The following LYAR variants were observed in gnomAD, a reference collection of about 807,000 sequenced individuals.
LYAR encodes the protein Ly1 antibody reactive, also known as cell growth-regulating nucleolar protein.
A neutral mutation model predicts 45.2 loss-of-function variants in LYAR; 37 were observed. The observed-to-expected ratio is 0.82, with a 90% confidence interval of 0.63 to 1.08. The LOEUF is 1.08. Ranked by LOEUF, LYAR falls within the 50% of genes least tolerant of loss-of-function variation. The probability of loss-of-function intolerance (pLI) is 0.00; values close to 1 mark genes in which losing one functional copy is unlikely to be tolerated. For synonymous variants in LYAR, 176 were observed against 155.1 expected (o/e 1.14, Z -1.00); for missense variants, 493 against 451.0 (o/e 1.09, Z -0.84).
In LYAR at chr4:4,267,985, G is replaced by T. The variant is rs1375751469; in HGVS notation, c.1044C>A (p.His348Gln). 1.9e-6 allele frequency: 3 copies of T among 1,612,336 alleles called. No individual in the cohort carries two copies. The South Asian group carries it at 3.3e-5, about 18-fold the overall frequency. ...TGACCAGGAGTTCCTCTTCGGATCT[G>T]TGATGCTCATCTGTCACTGTGTAGT... ...AQYYTVTDEHHRSEEELLVIF... is the reference protein window; with the variant it reads ...AQYYTVTDEHQRSEEELLVIF... The change falls in exon 10 of 10, where the codon CAC becomes CAA. Residue 348 changes from histidine (H) to glutamine (Q), a missense_variant. Transcript: ENST00000343470.
rs566062907 is a variant in LYAR, at chr4:4,273,423, C to T, written c.919+160G>A. ...ACCGTGTATTTCTCTCTTTTCTTTT[C>T]TCTCTCTCTCGCTTTTTGAAAGTGG... On this transcript the variant is annotated intron_variant, in intron 8 of 9. Transcript: ENST00000343470. 3.4e-3 allele frequency among the ~76,000 whole-genome samples: 517 copies of T among 152,058 alleles called. 7 individuals carry two copies. Among genetic ancestry groups the T allele is most frequent in the African/African-American group, 0.012 (488 of 41,490 alleles).
chr4:4,285,647 A>C (rs1719581482), intron 2 of LYAR, among the ~76,000 whole-genome samples: 1 of 152,212 alleles, frequency 6.6e-6, no homozygotes, highest in Non-Finnish European at 1.5e-5. Flanking sequence ...GAAAAACGTT[A>C]AAGCACTTTT....
intron 2 of LYAR, among the ~76,000 whole-genome samples, chr4:4,284,952 C>G (rs981695120): frequency 1.3e-5 from 2 of 152,164 alleles, no homozygotes; most frequent in Non-Finnish European, 2.9e-5. Context: ...CATGAAATCA[C>G]CGTTGCTCCT....
chr4:4,276,352 C>G, intron 6 of LYAR, among the ~76,000 whole-genome samples: 1 of 152,096 alleles, frequency 6.6e-6, no homozygotes, highest in East Asian at 1.9e-4. Flanking sequence ...AAAGGACAAG[C>G]TTTCACTAGA....
In LYAR at chr4:4,285,481, G is replaced by T. The variant is rs560717144; in HGVS notation, c.-54+1038C>A. Among the ~76,000 whole-genome samples, 11 of 152,330 alleles carry T rather than the reference G, an allele frequency of 7.2e-5. No homozygotes were observed. The South Asian group carries it at 2.1e-3, about 29-fold the overall frequency. On this transcript the variant is annotated intron_variant, in intron 2 of 9. Coordinates refer to ENST00000343470, the MANE Select transcript of LYAR (RefSeq NM_017816.3). Reference sequence around the variant, plus strand: ...AGAGCAGCTATCCTGCCTGACAAGGGAGAACAAAGGCTGGAATAAGAGCCA... The same window carrying T: ...AGAGCAGCTATCCTGCCTGACAAGGTAGAACAAAGGCTGGAATAAGAGCCA...
intron 3 of LYAR, among the ~76,000 whole-genome samples, chr4:4,282,749 CG>C (rs1719450577): frequency 2.0e-5 from 3 of 152,184 alleles, no homozygotes; most frequent in Admixed American, 2.0e-4. Flanking sequence ...TGTCCCTCCC[CG>C]CTAACTCCTC....
Position 4,267,916 on chromosome 4 carries a change from T to G in LYAR, c.1113A>C (p.Leu371Phe). The change falls in exon 10 of 10, where the codon TTA becomes TTC. Residue 371 changes from leucine to phenylalanine, a missense_variant. Transcript: ENST00000343470. ...ATTTCACAAGCTTGACTTTGTCCTT[T>G]AATAACTTAAAGGTAGGGTTCTTGC... ...KISKNPTFKLLKDKVKLVK is the reference protein window; with the variant it reads ...KISKNPTFKLFKDKVKLVK 1.2e-6 allele frequency: 2 copies of G among 1,612,330 alleles called. No homozygotes were observed. The highest frequency in any genetic ancestry group is 2.2e-5 in the East Asian group (1 of 44,814).
rs114172938 is a variant in LYAR at position 4,279,609 on chromosome 4, C to T, written c.345+33G>A. 1,130 of 1,557,038 alleles carry T rather than the reference C, an allele frequency of 7.3e-4. 3 individuals are homozygous for T. In the African/African-American group the frequency reaches 0.013, roughly 18 times the overall value. Reference sequence around the variant, plus strand: ...CAAGCTCAGTCACTGATGGGCCACACGGCCCCCTCCATTCAAGAAAGTCAA... The same window carrying T: ...CAAGCTCAGTCACTGATGGGCCACATGGCCCCCTCCATTCAAGAAAGTCAA... On this transcript the variant is annotated intron_variant, in intron 5 of 9. Coordinates refer to ENST00000343470, the MANE Select transcript of LYAR (RefSeq NM_017816.3).
chr4:4,281,848 A>T lies in LYAR; in HGVS notation c.172T>A (p.Tyr58Asn). The T allele has an allele frequency of 1.2e-6, 2 of 1,614,030 alleles. No homozygotes were observed. Among genetic ancestry groups the T allele is most frequent in the Non-Finnish European group, 1.7e-6 (2 of 1,179,984 alleles). ...HVKCISEDQK[Y>N]GGKGYEGKTH... ...TTACCTTCATAGCCTTTGCCACCAT[A>T]CTTCTGATCTTCACTTATGCATTTC... Residue 58 changes from tyrosine to asparagine, a missense_variant, in exon 4 of 10, where the codon TAT becomes AAT. By Grantham distance (143) the Tyr-to-Asn change is moderately radical (BLOSUM62 -2). Transcript: ENST00000343470.
chr4:4,270,980 A>G (rs1198526591), intron 8 of LYAR, among the ~76,000 whole-genome samples: 4 of 152,258 alleles, frequency 2.6e-5, no homozygotes, highest in Non-Finnish European at 5.9e-5. Flanking sequence ...TAAATGGGGT[A>G]TCCATCACCT....
intron 6 of LYAR, among the ~76,000 whole-genome samples, chr4:4,278,402 C>A (rs768003777): frequency 4.6e-5 from 7 of 152,144 alleles, no homozygotes; most frequent in Non-Finnish European, 1.0e-4. Context: ...AGATAGCAAA[C>A]CAAGATTTTC....
At chr4:4,281,743 C>G (rs898954389) in intron 4 of LYAR, 40 bp downstream of exon 4, 1 of 1,439,104 alleles carries the variant, frequency 6.9e-7, no homozygotes, top group East Asian at 2.3e-5. Flanking sequence ...AAAGCGGAAG[C>G]TGTCAGAGGA....
chr4:4,288,486 C>CTTTTTTTTTTTTTTTTT (rs11338207), intron 1 of LYAR, among the ~76,000 whole-genome samples: 2 of 121,020 alleles, frequency 1.7e-5, no homozygotes. Context: ...AATTTTTTTT[C>CTTTTTTTTTTTTTTTTT]TTTTTTTTTT....
chr4:4,281,555 G>A (rs967162291), intron 4 of LYAR, among the ~76,000 whole-genome samples: 2 of 152,286 alleles, frequency 1.3e-5, no homozygotes, highest in East Asian at 1.9e-4. Flanking sequence ...TCCTGACCTC[G>A]TGACTCGCCT....
chr4:4,268,819 A>T (rs1577208671), intron 8 of LYAR: 1 of 481,230 alleles, frequency 2.1e-6, no homozygotes, highest in East Asian at 3.4e-5. Context: ...CTTAAGAGTG[A>T]GCAGGTGCCC....
rs187557444 is a variant in LYAR, at chr4:4,279,887, A to C, written c.238-138T>G. 28 of 616,298 alleles carry C rather than the reference A, an allele frequency of 4.5e-5. No individual in the cohort carries two copies. In the African/African-American group the frequency reaches 4.6e-4, roughly 10 times the overall value. 38.2% of individuals were successfully genotyped at this position (616,298 alleles called of 1,614,324 possible). ...GATTCTGTATTTATGTCTATGCTTA[A>C]AAATATATAGGTTAACTTCTATTAA... On this transcript the variant is annotated intron_variant, in intron 4 of 9. Transcript: ENST00000343470.
rs1019516008 is a variant in LYAR, at chr4:4,273,578, T to C, written c.919+5A>G. ...CGTGCTCCTCAAATGACAGCAGTGA[T>C]ATACCTTTTGCAGGAGCCTCATCGT... On this transcript the variant is annotated splice_donor_5th_base_variant and intron_variant, in intron 8 of 9. Coordinates refer to ENST00000343470, the MANE Select transcript of LYAR (RefSeq NM_017816.3). 6.2e-7 allele frequency: 1 copy of C among 1,609,076 alleles called. No homozygotes were observed. The highest frequency in any genetic ancestry group is 8.5e-7 in the Non-Finnish European group (1 of 1,175,830).
chr4:4,268,746 G>C (rs999807123), intron 8 of LYAR, 131 bp from the exon 9 acceptor site: 1 of 614,998 alleles, frequency 1.6e-6, no homozygotes, highest in African/African-American at 1.9e-5. Context: ...AGACTCCATA[G>C]CACCAAGCAT....
intron 1 of LYAR, among the ~76,000 whole-genome samples, chr4:4,288,793 T>G (rs1719730652): frequency 6.6e-6 from 1 of 152,166 alleles, no homozygotes; most frequent in Non-Finnish European, 1.5e-5. Flanking sequence ...GCCTTGACTA[T>G]TCTTAAAATA....
Sources: gnomAD v4.1 joint callset for allele counts (sites outside exome capture counted in the v4.1 genomes callset) on GRCh38, gnomAD v4.1.1 for gene constraint, MANE v1.5 for transcripts, NCBI Gene and HGNC (gene_info 2026-07-23, HGNC 2026-07-21) for gene names.